Variants in CASP5 observed in about 807,000 individuals in gnomAD.
The protein encoded by CASP5 is caspase 5, also known as caspase-5.
In CASP5, 42 loss-of-function variants were observed where a neutral mutation model predicts 45.2. The observed-to-expected ratio is 0.93, with a 90% confidence interval of 0.73 to 1.20. The LOEUF (loss-of-function observed/expected upper bound fraction) is 1.20, where lower values mean the gene tolerates loss of function less well. CASP5 is among the 50% of genes most tolerant of loss of function. The probability of loss-of-function intolerance (pLI) is 0.00; values close to 1 mark genes in which losing one functional copy is unlikely to be tolerated. For missense variants in CASP5, 512 were observed against 532.2 expected (o/e 0.96, Z 0.37); for synonymous variants, 209 against 186.2 (o/e 1.12, Z -1.00).
intron 6 of CASP5, among the ~76,000 whole-genome samples, chr11:104,999,948 C>A (rs1046979678): frequency 2.6e-5 from 4 of 152,184 alleles, no homozygotes; most frequent in Non-Finnish European, 5.9e-5. Flanking sequence ...AAATCATTTA[C>A]AAATCAAGCT....
intron 1 of CASP5, among the ~76,000 whole-genome samples, chr11:105,016,906 G>T (rs1313734289): frequency 2.6e-5 from 4 of 151,712 alleles, no homozygotes; most frequent in African/African-American, 7.3e-5. Context: ...AAATGTCCCT[G>T]TCTGACAGCT....
At chr11:105,019,533 C>G (rs570615459) in intron 1 of CASP5, among the ~76,000 whole-genome samples, 1 of 151,166 alleles carries the variant, frequency 6.6e-6, no homozygotes, top group Admixed American at 6.7e-5. Flanking sequence ...AACACCTCTA[C>G]GCAAATAAAC....
chr11:105,013,317 C>T (rs927598375), intron 1 of CASP5, among the ~76,000 whole-genome samples: 4 of 151,794 alleles, frequency 2.6e-5, no homozygotes, highest in African/African-American at 4.8e-5. Context: ...TCAATTAGAT[C>T]GGAGAAGTAA....
At chr11:105,021,042 C>A (rs1024839240) in intron 1 of CASP5, among the ~76,000 whole-genome samples, 10 of 152,084 alleles carry the variant, frequency 6.6e-5, no homozygotes, top group East Asian at 5.8e-4. Flanking sequence ...AAACCTGAGA[C>A]AAACAAGCAA....
At chr11:105,006,999 G>T in intron 3 of CASP5, 84 bp downstream of exon 3, 1 of 1,118,596 alleles carries the variant, frequency 8.9e-7, no homozygotes, top group Non-Finnish European at 1.3e-6. Flanking sequence ...ACTGTAGGTA[G>T]ATCACAGATA....
intron 3 of CASP5, among the ~76,000 whole-genome samples, chr11:105,005,755 A>G (rs776634480): frequency 2.1e-4 from 32 of 152,192 alleles, no homozygotes; most frequent in Non-Finnish European, 3.8e-4. Flanking sequence ...TGCTAAAATC[A>G]TTTTGAAGCC....
intron 7 of CASP5, 125 bp downstream of exon 7, chr11:104,998,760 A>G: frequency 2.2e-6 from 2 of 913,208 alleles, no homozygotes; most frequent in Non-Finnish European, 3.3e-6. Context: ...ATCATGCAAA[A>G]TATATAGAGA....
chr11:104,998,070 T>C (rs566956631), intron 7 of CASP5, among the ~76,000 whole-genome samples: 2 of 152,288 alleles, frequency 1.3e-5, no homozygotes, highest in African/African-American at 2.4e-5. Context: ...GTAGATCTTA[T>C]GTAAATTATC....
intron 1 of CASP5, among the ~76,000 whole-genome samples, chr11:105,021,878 T>C (rs1366618078): frequency 1.7e-4 from 26 of 149,698 alleles, no homozygotes; most frequent in Non-Finnish European, 2.2e-4. Flanking sequence ...TATTGTGGCA[T>C]TATTCACAAT....
At chr11:105,014,328 T>C (rs1420253419) in intron 1 of CASP5, among the ~76,000 whole-genome samples, 1 of 152,044 alleles carries the variant, frequency 6.6e-6, no homozygotes, top group South Asian at 2.1e-4. Context: ...TCTGATTCTC[T>C]GAGGGGAGAC....
intron 5 of CASP5, 115 bp downstream of exon 5, chr11:105,001,913 C>G (rs573102716): frequency 1.1e-6 from 1 of 926,354 alleles, no homozygotes; most frequent in African/African-American, 1.7e-5. Context: ...CACACACACA[C>G]ACGCACACGA....
At chr11:105,010,383 A>G (rs1862284682) in intron 1 of CASP5, among the ~76,000 whole-genome samples, 1 of 140,746 alleles carries the variant, frequency 7.1e-6, no homozygotes, top group Non-Finnish European at 1.5e-5. Flanking sequence ...AATTATCATT[A>G]TTATAATGAT....
chr11:105,018,513 T>C (rs939740535), intron 1 of CASP5, among the ~76,000 whole-genome samples: 3 of 148,824 alleles, frequency 2.0e-5, no homozygotes, highest in Non-Finnish European at 4.5e-5. Context: ...TCCTAGTCTC[T>C]GATAAAACAG....
chr11:105,022,372 G>A (rs1045282984), intron 1 of CASP5, among the ~76,000 whole-genome samples: 8 of 152,112 alleles, frequency 5.3e-5, no homozygotes, highest in Non-Finnish European at 1.0e-4. Flanking sequence ...ATGTTATAAG[G>A]TTTAGAAAGC....
At position 105,008,821 on chromosome 11, in the gene CASP5, G is replaced by A. The variant is rs1397399939; in HGVS notation, c.167C>T (p.Ser56Leu). 4 of 1,605,900 alleles carry A rather than the reference G, an allele frequency of 2.5e-6. No homozygotes were observed. The highest frequency in any genetic ancestry group is 3.4e-5 in the Admixed American group (2 of 59,220). Residue 56 changes from serine (S) to leucine (L), a missense_variant, in exon 2 of 10, where the codon TCG becomes TTG. Ser to Leu is a moderately radical substitution (Grantham distance 145). Transcript: ENST00000260315. Reference sequence around the variant, plus strand: ...TCCAGTCTTACTTTTTACACTGGTCGACTTTTGATCCGTATTAGGTACTAG... The same window carrying A: ...TCCAGTCTTACTTTTTACACTGGTCAACTTTTGATCCGTATTAGGTACTAG... ...QTLVPNTDQK[S>L]TSVKKDNHKK...
At chr11:105,008,469 T>A (rs1196188987) in intron 2 of CASP5, among the ~76,000 whole-genome samples, 4 of 151,976 alleles carry the variant, frequency 2.6e-5, no homozygotes, top group Non-Finnish European at 5.9e-5. Context: ...GACTGATGAT[T>A]AGGGAGCAAG....
intron 7 of CASP5, 129 bp from the exon 8 acceptor site, chr11:104,997,621 C>T (rs12222985): frequency 1.7e-5 from 9 of 542,378 alleles, no homozygotes; most frequent in Non-Finnish European, 2.6e-5. Context: ...CAAACATTTA[C>T]TTAGGTTTCA....
At chr11:104,994,987 G>A (rs1342371082) in intron 9 of CASP5, among the ~76,000 whole-genome samples, 2 of 152,190 alleles carry the variant, frequency 1.3e-5, no homozygotes, top group African/African-American at 4.8e-5. Context: ...ACCAGACTGT[G>A]CACTGGGAAG....
intron 1 of CASP5, 100 bp downstream of exon 1, chr11:105,023,030 G>T: frequency 9.1e-7 from 1 of 1,104,130 alleles, no homozygotes; most frequent in Non-Finnish European, 1.4e-6. Context: ...ACTATTGGTT[G>T]ATTTCCCTTT....
Sources: allele counts gnomAD v4.1 joint callset (sites outside exome capture counted in the v4.1 genomes callset), GRCh38; gene constraint gnomAD v4.1.1; transcripts MANE v1.5; gene names NCBI Gene and HGNC (gene_info 2026-07-23, HGNC 2026-07-21).